NBAS: variants seen among roughly 807,000 people sequenced by gnomAD.
The protein encoded by NBAS is NAG/BC035112 fusion.
A neutral mutation model predicts 302.5 loss-of-function variants in NBAS; 219 were observed. The observed-to-expected ratio is 0.72, with a 90% CI of 0.65 to 0.81. The LOEUF is 0.81. NBAS is among the 30% of genes least tolerant of loss of function. The pLI is 0.00. For missense variants in NBAS, 2,932 were observed against 2,841.6 expected, an observed-to-expected ratio of 1.03 and a Z score of -0.72; for synonymous variants, 1,118 against 1,021.6, an observed-to-expected ratio of 1.09 and a Z score of -1.80.
chr2:15,419,299 C>G (rs1163011297), intron 23 of NBAS, among the ~76,000 whole-genome samples: 1 of 151,614 alleles, frequency 6.6e-6, no homozygotes, highest in African/African-American at 2.4e-5. Context: ...GATTTCTCAT[C>G]TAATCCACAG....
intron 1 of NBAS, among the ~76,000 whole-genome samples, chr2:15,559,554 A>G (rs1664811965): frequency 6.6e-6 from 1 of 152,224 alleles, no homozygotes; most frequent in South Asian, 2.1e-4. Context: ...CAGAAAAGTT[A>G]TTTCACTCAA....
At chr2:15,195,020 AG>A (rs1665552282) in intron 48 of NBAS, among the ~76,000 whole-genome samples, 1 of 152,240 alleles carries the variant, frequency 6.6e-6, no homozygotes, top group East Asian at 1.9e-4. Flanking sequence ...ATAGGATACA[AG>A]ATCAACATAT....
At position 15,181,710 on chromosome 2, in the gene NBAS, A is replaced by G. The variant is rs929375127; in HGVS notation, c.6712-2594T>C. Among the ~76,000 whole-genome samples, 5 of 152,172 alleles carry G rather than the reference A, an allele frequency of 3.3e-5. No individual in the cohort carries two copies. In the East Asian group the frequency reaches 9.6e-4, roughly 29 times the overall value. ...TGGATGTTTCTTTTCCCAGTGGACTATGATTTATGAGATGCACTGGGGCAC... is the reference window on the plus strand; with the variant it reads ...TGGATGTTTCTTTTCCCAGTGGACTGTGATTTATGAGATGCACTGGGGCAC... On this transcript the variant is annotated intron_variant, in intron 50 of 51. Transcript: ENST00000281513.
rs570864521 is a variant in NBAS at position 15,467,884 on chromosome 2, G to A, written c.1878-80C>T. The A allele has an allele frequency of 2.5e-4, 306 of 1,222,464 alleles. 1 individual carries two copies. In the African/African-American group the frequency reaches 4.4e-3, roughly 17 times the overall value. 75.7% of individuals were successfully genotyped at this position (1,222,464 alleles called of 1,614,324 possible). The stretch of plus-strand genomic sequence containing the variant: ...TGAAAAGCTTTCTCCTATTTTGACT[G>A]ATTTCATTATTGATTTCCACAAAAA... On this transcript the variant is annotated intron_variant, in intron 17 of 51. Coordinates refer to ENST00000281513, the MANE Select transcript of NBAS (RefSeq NM_015909.4).
At chr2:14,934,879 C>A in the NBAS span, among the ~76,000 whole-genome samples, 4 of 152,260 alleles carry the variant, frequency 2.6e-5, no homozygotes, top group African/African-American at 7.2e-5. Context: ...GCCCACAAAG[C>A]TGCTGACAGA....
the NBAS span, among the ~76,000 whole-genome samples, chr2:15,115,673 A>AT: frequency 7.5e-4 from 111 of 148,674 alleles, 1 homozygote; most frequent in African/African-American, 2.3e-3. Flanking sequence ...TGCTCAGCTA[A>AT]TTTTTTTTTT....
At chr2:15,401,733 A>G (rs1676160406) in intron 26 of NBAS, among the ~76,000 whole-genome samples, 1 of 152,226 alleles carries the variant, frequency 6.6e-6, no homozygotes, top group Admixed American at 6.5e-5. Context: ...GCAGTTAAAA[A>G]TTAGGTACAT....
intron 6 of NBAS, among the ~76,000 whole-genome samples, chr2:15,549,830 TAAGTAC>T (rs1321257660): frequency 6.6e-6 from 1 of 151,964 alleles, no homozygotes; most frequent in East Asian, 1.9e-4. Flanking sequence ...TCATGGCACT[TAAGTAC>T]AAGTACAGTC....
the NBAS span, among the ~76,000 whole-genome samples, chr2:14,960,681 C>T: frequency 6.6e-6 from 1 of 152,162 alleles, no homozygotes; most frequent in Admixed American, 6.5e-5. Flanking sequence ...TCTAATTGAG[C>T]TCTTTAGCCT....
At chr2:15,138,625 C>T in the NBAS span, among the ~76,000 whole-genome samples, 1 of 152,026 alleles carries the variant, frequency 6.6e-6, no homozygotes, top group African/African-American at 2.4e-5. Context: ...TTGTTCTCCT[C>T]TAAACTCAGA....
the NBAS span, among the ~76,000 whole-genome samples, chr2:15,091,190 C>T: frequency 6.6e-6 from 1 of 152,144 alleles, no homozygotes; most frequent in Non-Finnish European, 1.5e-5. Context: ...GAAACAAGAA[C>T]TCGATGGGAA....
At chr2:15,478,417 G>A in intron 12 of NBAS, 128 bp from the exon 13 acceptor site, 1 of 723,478 alleles carries the variant, frequency 1.4e-6, no homozygotes. Flanking sequence ...ACAACTAATT[G>A]AAATCTATTT....
chr2:14,818,693 G>C, the NBAS span, among the ~76,000 whole-genome samples: 1 of 152,154 alleles, frequency 6.6e-6, no homozygotes, highest in Non-Finnish European at 1.5e-5. Flanking sequence ...TGTGAAGGAC[G>C]CATGAAGGTC....
At chr2:15,471,404 T>C (rs1376106513) in intron 16 of NBAS, among the ~76,000 whole-genome samples, 1 of 152,232 alleles carries the variant, frequency 6.6e-6, no homozygotes, top group African/African-American at 2.4e-5. Flanking sequence ...AACTTTTTCA[T>C]GTTATATTTT....
chr2:15,217,251 T>G (rs535021899), intron 48 of NBAS, among the ~76,000 whole-genome samples: 43 of 152,340 alleles, frequency 2.8e-4, no homozygotes, highest in African/African-American at 9.9e-4. Flanking sequence ...TATTCATGAC[T>G]TTTAAACTAC....
intron 1 of NBAS, among the ~76,000 whole-genome samples, chr2:15,559,906 T>C (rs1219794021): frequency 6.6e-6 from 1 of 152,196 alleles, no homozygotes; most frequent in African/African-American, 2.4e-5. Context: ...CCTAGCTGCA[T>C]AACCCAAAAA....
At chr2:14,988,892 T>C in the NBAS span, among the ~76,000 whole-genome samples, 7 of 152,194 alleles carry the variant, frequency 4.6e-5, no homozygotes, top group African/African-American at 1.7e-4. Flanking sequence ...TAAAACATTT[T>C]GCCTACTTGA....
intron 21 of NBAS, among the ~76,000 whole-genome samples, chr2:15,439,534 T>C (rs1345871427): frequency 6.6e-6 from 1 of 151,610 alleles, no homozygotes; most frequent in Non-Finnish European, 1.5e-5. Flanking sequence ...CAGCTCTGGT[T>C]GCAAACAGCA....
At chr2:15,138,576 A>G in the NBAS span, among the ~76,000 whole-genome samples, 1 of 151,930 alleles carries the variant, frequency 6.6e-6, no homozygotes, top group African/African-American at 2.4e-5. Flanking sequence ...CTGGAGGCCA[A>G]CTCCTGGGTC....
Sources: allele counts gnomAD v4.1 joint callset (sites outside exome capture counted in the v4.1 genomes callset), GRCh38; gene constraint gnomAD v4.1.1; transcripts MANE v1.5; gene names NCBI Gene and HGNC (gene_info 2026-07-23, HGNC 2026-07-21).